Variants in GOLGB1 observed in about 807,000 individuals in gnomAD.
The protein encoded by GOLGB1 is golgin B1.
In GOLGB1, 174 loss-of-function variants were observed where a neutral mutation model predicts 336.9. The observed-to-expected ratio is 0.52, with a 90% CI of 0.46 to 0.59. GOLGB1 has a LOEUF of 0.59. GOLGB1 is among the 20% of genes least tolerant of loss of function. The probability of loss-of-function intolerance (pLI) is 0.00; values close to 1 mark genes in which losing one functional copy is unlikely to be tolerated. For synonymous variants in GOLGB1, 1,208 were observed against 1,289.2 expected (o/e 0.94, Z 1.35); for missense variants, 3,331 against 3,645.3 (o/e 0.91, Z 2.22).
chr3:121,683,943 C>T (rs1168183960), intron 14 of GOLGB1, among the ~76,000 whole-genome samples: 3 of 151,708 alleles, frequency 2.0e-5, no homozygotes, highest in Non-Finnish European at 2.9e-5. Context: ...TCCTGGCCAA[C>T]ATGGTGAAAC....
Position 121,696,795 on chromosome 3 carries a change from A to G in GOLGB1, c.3728T>C (p.Ile1243Thr), listed in dbSNP as rs139646586. Reference protein sequence around the residue: ...NIGDQLRQLQIQVRESIDGKL... With the variant: ...NIGDQLRQLQTQVRESIDGKL... Reference sequence around the variant, plus strand: ...TCCGTCTATGGATTCCCTTACTTGAATCTGGAGTTGCCTTAGCTGGTCTCC... The same window carrying G: ...TCCGTCTATGGATTCCCTTACTTGAGTCTGGAGTTGCCTTAGCTGGTCTCC... The change falls in exon 13 of 22, where the codon ATT becomes ACT. Residue 1243 changes from isoleucine to threonine, a missense_variant. Transcript: ENST00000614479. 3.4e-4 allele frequency: 554 copies of G among 1,614,088 alleles called. 1 individual carries two copies. In the Middle Eastern group the frequency reaches 3.5e-3, roughly 10 times the overall value.
At chr3:121,742,219 C>T (rs568223515) in intron 1 of GOLGB1, among the ~76,000 whole-genome samples, 237 of 152,304 alleles carry the variant, frequency 1.6e-3, no homozygotes, top group Middle Eastern at 6.8e-3. Flanking sequence ...TCAAACTATA[C>T]TACAAGGCGA....
rs1216701208 is a variant in GOLGB1, at chr3:121,727,289, C to CATATATATATAT, written c.403-249_403-248insATATATATATAT. ...ATAAACTGTGAAATACATACACACA[C>CATATATATATAT]ACACATATATATATATATATATATA... On this transcript the variant is annotated intron_variant, in intron 4 of 21. Coordinates refer to ENST00000614479, the MANE Select transcript of GOLGB1 (RefSeq NM_001366282.2). 5.4e-4 allele frequency among the ~76,000 whole-genome samples: 24 copies of CATATATATATAT among 44,336 alleles called. 1 individual carries two copies. The highest frequency in any genetic ancestry group is 5.2e-3 in the East Asian group (6 of 1,164). The allele number at this position is 44,336 out of a possible 152,430, so 29.1% of individuals were successfully genotyped here. A position where few individuals can be genotyped will look rare whatever the true frequency, so the allele number is the denominator to read the frequency against.
chr3:121,739,046 G>C (rs185368718), intron 1 of GOLGB1, among the ~76,000 whole-genome samples: 3 of 152,252 alleles, frequency 2.0e-5, no homozygotes, highest in Admixed American at 2.0e-4. Context: ...AGGATCACTT[G>C]AGCCTAGGAG....
chr3:121,703,723 G>A (rs1270074241), intron 10 of GOLGB1, among the ~76,000 whole-genome samples: 1 of 151,930 alleles, frequency 6.6e-6, no homozygotes, highest in African/African-American at 2.4e-5. Context: ...AACAAAACAC[G>A]ACATCCAGAA....
At position 121,696,485 on chromosome 3, in the gene GOLGB1, C is replaced by T; in HGVS notation, c.4038G>A (p.Gln1346=). 6.2e-7 allele frequency: 1 copy of T among 1,614,078 alleles called. No individual in the cohort carries two copies. The highest frequency in any genetic ancestry group is 8.5e-7 in the Non-Finnish European group (1 of 1,179,998). The change falls in exon 13 of 22, where the codon CAG becomes CAA. Residue 1346 remains glutamine (Q), a synonymous_variant. Transcript: ENST00000614479. ...CCTGTTTATTTATCTGCTCTTGTAACTGAAATACCTCTTCTGATTTTTTAG... is the reference window on the plus strand; with the variant it reads ...CCTGTTTATTTATCTGCTCTTGTAATTGAAATACCTCTTCTGATTTTTTAG... ...ELTKKSEEVF[Q]LQEQINKQGL...
chr3:121,727,310 ATATATATATATTT>A (rs1560307605), intron 4 of GOLGB1, among the ~76,000 whole-genome samples: 1 of 32,688 alleles, frequency 3.1e-5, no homozygotes, highest in African/African-American at 7.7e-5. Context: ...ATATATATAT[ATATATATATATTT>A]TTTTTTTTTT....
intron 1 of GOLGB1, among the ~76,000 whole-genome samples, chr3:121,737,697 T>C (rs1456387607): frequency 6.6e-6 from 1 of 151,614 alleles, no homozygotes; most frequent in African/African-American, 2.4e-5. Flanking sequence ...AAAACTATTG[T>C]ACAAAATAAA....
intron 1 of GOLGB1, among the ~76,000 whole-genome samples, chr3:121,741,564 G>A: frequency 6.6e-6 from 1 of 152,174 alleles, no homozygotes; most frequent in East Asian, 1.9e-4. Context: ...TATGTGAAAT[G>A]TAGAATTAAA....
intron 5 of GOLGB1, among the ~76,000 whole-genome samples, chr3:121,726,005 TTC>T (rs955346704): frequency 2.0e-5 from 3 of 151,886 alleles, no homozygotes; most frequent in Non-Finnish European, 4.4e-5. Context: ...TAAATTAAAT[TTC>T]TGTTATTATA....
intron 17 of GOLGB1, among the ~76,000 whole-genome samples, chr3:121,673,012 T>C (rs1939768365): frequency 6.6e-6 from 1 of 152,182 alleles, no homozygotes; most frequent in African/African-American, 2.4e-5. Flanking sequence ...GCCAGTATCA[T>C]GCTCATTAAA....
intron 10 of GOLGB1, among the ~76,000 whole-genome samples, chr3:121,711,207 A>G (rs1944337143): frequency 6.6e-6 from 1 of 152,178 alleles, no homozygotes; most frequent in Non-Finnish European, 1.5e-5. Flanking sequence ...ATAAATAAAT[A>G]GAAAAATTTT....
Position 121,665,005 on chromosome 3 carries a change from G to A in GOLGB1, c.9581C>T (p.Ser3194Phe). 6.2e-7 allele frequency: 1 copy of A among 1,609,038 alleles called. No individual in the cohort carries two copies. Among genetic ancestry groups the A allele is most frequent in the Non-Finnish European group, 8.5e-7 (1 of 1,175,338 alleles). The part of the protein sequence containing the change: ...RRLEHSEWDS[S>F]RTPIIGSCGT... ...ACAGGAGCCAATGATAGGAGTCCGG[G>A]AAGAGTCCCATTCACTGTGCTCTAA... is the stretch of plus-strand genomic sequence containing the variant. Residue 3194 changes from serine to phenylalanine, a missense_variant, in exon 21 of 22, where the codon TCC (serine) becomes TTC (phenylalanine). By Grantham distance (155) the Ser-to-Phe change is radical. Transcript: ENST00000614479.
rs959660910 is a variant in GOLGB1 at position 121,698,253 on chromosome 3, T to C, written c.2270A>G (p.Gln757Arg). The C allele has an allele frequency of 6.2e-7, 1 of 1,613,958 alleles. No homozygotes were observed. Among genetic ancestry groups the C allele is most frequent in the East Asian group, 2.2e-5 (1 of 44,888 alleles). Residue 757 changes from glutamine to arginine, a missense_variant, in exon 13 of 22, where the codon CAG (glutamine) becomes CGG (arginine). Gln to Arg is a conservative substitution (Grantham distance 43, BLOSUM62 1). Transcript: ENST00000614479. ...LSEERDQLLSQVKELSMVTEL... is the reference protein window; with the variant it reads ...LSEERDQLLSRVKELSMVTEL... The stretch of plus-strand genomic sequence containing the variant: ...TGTTACCATGCTAAGTTCCTTCACC[T>C]GAGAGAGAAGCTGGTCTCTTTCTTC...
At chr3:121,733,003 G>C (rs1946219228) in intron 1 of GOLGB1, among the ~76,000 whole-genome samples, 2 of 152,134 alleles carry the variant, frequency 1.3e-5, no homozygotes, top group Admixed American at 1.3e-4. Flanking sequence ...ATTCAGCAAG[G>C]TTGCAGGATA....
At chr3:121,713,860 G>C (rs1944542357) in intron 10 of GOLGB1, among the ~76,000 whole-genome samples, 1 of 152,154 alleles carries the variant, frequency 6.6e-6, no homozygotes, top group Admixed American at 6.5e-5. Context: ...GAAATGTACT[G>C]ATGTCCACAA....
At position 121,697,483 on chromosome 3, in the gene GOLGB1, C is replaced by T; in HGVS notation, c.3040G>A (p.Val1014Ile). ...GCTAATTCTTCTTCCAATCTACTGA[C>T]TCTTTGCAGAAGCTCCTTTCTGTTA... ...LINRKELLQR[V>I]SRLEEELANL... is the part of the protein sequence containing the mutation. Residue 1014 changes from valine to isoleucine, a missense_variant, in exon 13 of 22, where the codon GTC (valine) becomes ATC (isoleucine). Coordinates refer to ENST00000614479, the MANE Select transcript of GOLGB1 (RefSeq NM_001366282.2). 1 of 1,611,580 alleles carries T rather than the reference C, an allele frequency of 6.2e-7. No homozygotes were observed. The highest frequency in any genetic ancestry group is 1.1e-5 in the South Asian group (1 of 90,444).
At chr3:121,678,632 A>G (rs1940699649) in intron 15 of GOLGB1, among the ~76,000 whole-genome samples, 1 of 151,542 alleles carries the variant, frequency 6.6e-6, no homozygotes, top group Non-Finnish European at 1.5e-5. Flanking sequence ...CAGTGGCATG[A>G]TGTTGGCTCA....
chr3:121,702,861 A>C (rs1260871110), intron 10 of GOLGB1, among the ~76,000 whole-genome samples: 1 of 152,236 alleles, frequency 6.6e-6, no homozygotes, highest in Non-Finnish European at 1.5e-5. Flanking sequence ...AAAGATAGAA[A>C]TCCCAAGTCT....
Sources: allele counts gnomAD v4.1 joint callset (sites outside exome capture counted in the v4.1 genomes callset), GRCh38; gene constraint gnomAD v4.1.1; transcripts MANE v1.5; gene names NCBI Gene and HGNC (gene_info 2026-07-23, HGNC 2026-07-21).